RXRA: variants seen among roughly 807,000 people sequenced by gnomAD.
The protein encoded by RXRA is retinoid X receptor alpha.
A neutral mutation model predicts 44.5 loss-of-function variants in RXRA; 5 were observed. The observed-to-expected ratio is 0.11, with a 90% CI of 0.06 to 0.24. The LOEUF is 0.24. Among genes scored for constraint, RXRA ranks in the 10% least tolerant of loss-of-function variants. RXRA has a pLI of 1.00. For missense variants in RXRA, 412 were observed against 646.5 expected, an observed-to-expected ratio of 0.64 and a Z score of 3.93; for synonymous variants, 291 against 271.4, an observed-to-expected ratio of 1.07 and a Z score of -0.71.
chr9:134,432,379 A>G (rs1320135486), intron 8 of RXRA, among the ~76,000 whole-genome samples: 1 of 152,092 alleles, frequency 6.6e-6, no homozygotes, highest in Non-Finnish European at 1.5e-5. Context: ...CAGGCTGGGG[A>G]TGGGTCAGGC....
At chr9:134,427,981 C>T (rs531003099) in intron 6 of RXRA, among the ~76,000 whole-genome samples, 2 of 152,118 alleles carry the variant, frequency 1.3e-5, no homozygotes, top group Non-Finnish European at 2.9e-5. Flanking sequence ...AACAGCAGTG[C>T]GTGTGTGCGC....
chr9:134,380,109 AG>A (rs1372171420), intron 1 of RXRA: 2 of 985,302 alleles, frequency 2.0e-6, no homozygotes, highest in Non-Finnish European at 2.4e-6. Context: ...GTGCCGCCTG[AG>A]GGCCAAGTGT....
At chr9:134,385,789 A>G (rs928693397) in intron 1 of RXRA, among the ~76,000 whole-genome samples, 11 of 152,330 alleles carry the variant, frequency 7.2e-5, no homozygotes, top group African/African-American at 2.6e-4. Context: ...GCCCCCCAGC[A>G]CGCAGATGGG....
chr9:134,423,448 C>A, intron 6 of RXRA: 2 of 985,446 alleles, frequency 2.0e-6, no homozygotes, highest in Non-Finnish European at 2.4e-6. Flanking sequence ...CAGAGACGGG[C>A]TCCCTGTGAA....
chr9:134,364,975 C>T (rs564022374), intron 1 of RXRA, among the ~76,000 whole-genome samples: 186 of 152,376 alleles, frequency 1.2e-3, no homozygotes, highest in Non-Finnish European at 7.3e-5. Flanking sequence ...GCTTACCTGC[C>T]CTCTTACTTA....
intron 1 of RXRA, among the ~76,000 whole-genome samples, chr9:134,384,712 C>T (rs563582352): frequency 3.3e-5 from 5 of 152,282 alleles, no homozygotes; most frequent in African/African-American, 1.2e-4. Context: ...CGAGGGTTCT[C>T]TGGCCCTTTT....
chr9:134,384,934 C>G (rs1830697225), intron 1 of RXRA, among the ~76,000 whole-genome samples: 1 of 152,200 alleles, frequency 6.6e-6, no homozygotes, highest in Admixed American at 6.5e-5. Context: ...CAGGAGACTT[C>G]TGGTTCCCCT....
intron 1 of RXRA, among the ~76,000 whole-genome samples, chr9:134,361,460 T>C (rs976096425): frequency 2.0e-5 from 3 of 152,158 alleles, no homozygotes; most frequent in East Asian, 1.9e-4. Context: ...CGTTTCTCTT[T>C]GTCTCCCGGC....
intron 1 of RXRA, among the ~76,000 whole-genome samples, chr9:134,380,346 C>T (rs1830624629): frequency 6.6e-6 from 1 of 152,076 alleles, no homozygotes; most frequent in Admixed American, 6.5e-5. Context: ...CCCGGGTTCT[C>T]CTGGAGAACC....
In RXRA at chr9:134,433,647, C is replaced by T. The variant is rs780467329; in HGVS notation, c.1136-455C>T. On this transcript the variant is annotated intron_variant, in intron 8 of 9. Transcript: ENST00000481739. The surrounding 1 kb of genome is among the most constrained non-coding windows in gnomAD (Gnocchi z 4.2). ...TGAGCTCAGGACTCCGCAAGCACAC[C>T]GAGGATGGGTTTCCGCAGGGTCTGG... Among the ~76,000 whole-genome samples, 1 of 152,090 alleles carries T rather than the reference C, an allele frequency of 6.6e-6. No individual in the cohort carries two copies. The highest frequency in any genetic ancestry group is 2.4e-5 in the African/African-American group (1 of 41,380).
chr9:134,368,402 C>A lies in RXRA; in HGVS notation c.29-33230C>A, dbSNP rs187943710. ...TGGATAGCCCCTGCCATGGGGGCCA[C>A]CGGGTCCTTCCCGCACTGTGGTGTT... is the stretch of plus-strand genomic sequence containing the variant. On this transcript the variant is annotated intron_variant, in intron 1 of 9. Transcript: ENST00000481739. Among the ~76,000 whole-genome samples, 100 of 152,386 alleles carry A rather than the reference C, an allele frequency of 6.6e-4. 1 individual carries two copies. The highest frequency in any genetic ancestry group is 1.8e-3 in the African/African-American group (74 of 41,592).
rs532410183 is a variant in RXRA, at chr9:134,407,767, C to T, written c.280-382C>T. On this transcript the variant is annotated intron_variant, in intron 2 of 9. Coordinates refer to ENST00000481739, the MANE Select transcript of RXRA (RefSeq NM_002957.6). The surrounding 1 kb of genome is among the most constrained non-coding windows in gnomAD (Gnocchi z 4.8). ...CAGAGTGCCTGCCTCATGGAGTGTC[C>T]GGGGGCACCCAGCGGGGCTGGGCAC... Among the ~76,000 whole-genome samples the T allele has an allele frequency of 4.6e-4, 70 of 152,132 alleles. 1 individual carries two copies. The highest frequency in any genetic ancestry group is 8.8e-4 in the Non-Finnish European group (60 of 67,968).
chr9:134,355,942 G>A (rs958716218), intron 1 of RXRA, among the ~76,000 whole-genome samples: 1 of 152,174 alleles, frequency 6.6e-6, no homozygotes, highest in African/African-American at 2.4e-5. Context: ...CAAGCCCTGG[G>A]GGAGGGCAGC....
intron 1 of RXRA, among the ~76,000 whole-genome samples, chr9:134,356,304 G>A (rs541827121): frequency 1.3e-5 from 2 of 152,288 alleles, no homozygotes; most frequent in South Asian, 4.2e-4. Flanking sequence ...ATCAACCTCA[G>A]CCTTGCTCTC....
chr9:134,428,452 G>A (rs1433789823), intron 6 of RXRA, among the ~76,000 whole-genome samples: 1 of 130,108 alleles, frequency 7.7e-6, no homozygotes, highest in Non-Finnish European at 1.6e-5. Flanking sequence ...AGGGGCTGCT[G>A]TTACCTAACC....
At chr9:134,432,116 T>G in intron 8 of RXRA, 120 bp downstream of exon 8, 1 of 690,332 alleles carries the variant, frequency 1.4e-6, no homozygotes, top group South Asian at 1.7e-5. Flanking sequence ...CCCACCCTCC[T>G]TGAGCTCAGT....
At chr9:134,427,451 G>A (rs552352006) in intron 6 of RXRA, among the ~76,000 whole-genome samples, 115 of 152,332 alleles carry the variant, frequency 7.5e-4, no homozygotes, top group Non-Finnish European at 1.3e-3. Flanking sequence ...CCATCAGACC[G>A]CCCGTGGTGC....
chr9:134,435,952 A>G (rs1831612691), intron 9 of RXRA, among the ~76,000 whole-genome samples: 1 of 152,028 alleles, frequency 6.6e-6, no homozygotes, highest in African/African-American at 2.4e-5. Flanking sequence ...TGCAGCCTCA[A>G]CCTCCTGGGC....
chr9:134,356,375 T>G (rs531448564), intron 1 of RXRA, among the ~76,000 whole-genome samples: 1 of 152,164 alleles, frequency 6.6e-6, no homozygotes, highest in South Asian at 2.1e-4. Flanking sequence ...GGAGCCATTG[T>G]TTAGCTCCCA....
Sources: gnomAD v4.1 joint callset for allele counts (sites outside exome capture counted in the v4.1 genomes callset) on GRCh38, gnomAD v4.1.1 for gene constraint, Gnocchi (gnomAD v3.1) non-coding constraint, MANE v1.5 for transcripts, NCBI Gene and HGNC (gene_info 2026-07-23, HGNC 2026-07-21) for gene names.